The following MICU1 variants were observed in gnomAD, a reference collection of about 807,000 sequenced individuals.
MICU1 encodes calcium uptake protein 1, mitochondrial.
In MICU1, 45 loss-of-function variants were observed where a neutral mutation model predicts 56.8. The observed-to-expected ratio is 0.79, with a 90% CI of 0.62 to 1.02. The LOEUF (loss-of-function observed/expected upper bound fraction) is 1.02. MICU1 is among the 50% of genes least tolerant of loss of function. The pLI, the probability that MICU1 is intolerant of heterozygous loss-of-function variation, is 0.00. For missense variants in MICU1, 504 were observed against 587.1 expected, an observed-to-expected ratio of 0.86 and a Z score of 1.46; for synonymous variants, 186 against 195.1, an observed-to-expected ratio of 0.95 and a Z score of 0.39.
intron 8 of MICU1, among the ~76,000 whole-genome samples, chr10:72,466,709 A>C (rs1263871730): frequency 6.6e-6 from 1 of 152,194 alleles, no homozygotes; most frequent in Non-Finnish European, 1.5e-5. Context: ...TCTAGTTCCA[A>C]CAAGTGTTGG....
At chr10:72,466,213 G>C (rs534053824) in intron 8 of MICU1, among the ~76,000 whole-genome samples, 1 of 152,298 alleles carries the variant, frequency 6.6e-6, no homozygotes, top group East Asian at 1.9e-4. Context: ...TAAGGGGTGG[G>C]CAGTGCAGAC....
chr10:72,431,940 G>C (rs1470873779), intron 8 of MICU1, among the ~76,000 whole-genome samples: 1 of 152,048 alleles, frequency 6.6e-6, no homozygotes, highest in Non-Finnish European at 1.5e-5. Flanking sequence ...TTGATTACTA[G>C]GTTGACCATT....
chr10:72,449,979 C>T (rs1325289502), intron 8 of MICU1, among the ~76,000 whole-genome samples: 1 of 151,946 alleles, frequency 6.6e-6, no homozygotes, highest in Non-Finnish European at 1.5e-5. Context: ...GCCAGGCTTT[C>T]GTCCACATCT....
intron 1 of MICU1, among the ~76,000 whole-genome samples, chr10:72,612,986 GTAAT>G (rs1439543971): frequency 7.2e-5 from 11 of 151,794 alleles, no homozygotes; most frequent in African/African-American, 1.7e-4. Context: ...AAGATTAAAA[GTAAT>G]TATTTATAAA....
At chr10:72,368,728 G>A (rs962485652) in intron 11 of MICU1, among the ~76,000 whole-genome samples, 3 of 152,148 alleles carry the variant, frequency 2.0e-5, no homozygotes, top group African/African-American at 4.8e-5. Flanking sequence ...GGGCACAGAG[G>A]AAGAATCTCC....
intron 6 of MICU1, among the ~76,000 whole-genome samples, chr10:72,486,839 T>C (rs1866490523): frequency 2.6e-5 from 4 of 152,140 alleles, no homozygotes; most frequent in Non-Finnish European, 4.4e-5. Flanking sequence ...ATGCATATTA[T>C]GAAAAACCTA....
At chr10:72,594,650 G>C (rs995776321) in intron 1 of MICU1, among the ~76,000 whole-genome samples, 11 of 152,032 alleles carry the variant, frequency 7.2e-5, no homozygotes, top group African/African-American at 2.4e-4. Context: ...TGCAATCCCA[G>C]CACTTTCAGG....
chr10:72,522,755 A>G (rs955387800), intron 5 of MICU1, among the ~76,000 whole-genome samples: 1 of 152,204 alleles, frequency 6.6e-6, no homozygotes, highest in Non-Finnish European at 1.5e-5. Context: ...AGTCACTGCA[A>G]AGAAGCAAGC....
intron 8 of MICU1, among the ~76,000 whole-genome samples, chr10:72,431,288 G>T (rs988714032): frequency 1.3e-5 from 2 of 151,990 alleles, no homozygotes; most frequent in African/African-American, 4.8e-5. Context: ...GCACTACCAC[G>T]CCAGCTAATT....
At chr10:72,529,420 G>C (rs1400367747) in intron 5 of MICU1, among the ~76,000 whole-genome samples, 1 of 152,168 alleles carries the variant, frequency 6.6e-6, no homozygotes, top group African/African-American at 2.4e-5. Flanking sequence ...TTTATTGCTT[G>C]AAAATAGTGT....
At chr10:72,589,025 C>T (rs1287235809) in intron 1 of MICU1, among the ~76,000 whole-genome samples, 3 of 152,170 alleles carry the variant, frequency 2.0e-5, no homozygotes, top group Non-Finnish European at 4.4e-5. Flanking sequence ...CGGTGACTCA[C>T]GCCTGTAATC....
rs188371353 is a variant in MICU1, at chr10:72,565,783, C to T, written c.161+850G>A. Among the ~76,000 whole-genome samples, 437 of 152,198 alleles carry T rather than the reference C, an allele frequency of 2.9e-3. 3 individuals carry two copies. The highest frequency in any genetic ancestry group is 9.9e-3 in the African/African-American group (412 of 41,540). On this transcript the variant is annotated intron_variant, in intron 2 of 11. Transcript: ENST00000361114. ...AAGCTGAGATCATGCCACTACACTC[C>T]AGCCTGGGCGACAGAGCAAGACTCC...
At chr10:72,421,673 G>A (rs1864179640) in intron 9 of MICU1, among the ~76,000 whole-genome samples, 1 of 152,150 alleles carries the variant, frequency 6.6e-6, no homozygotes, top group Non-Finnish European at 1.5e-5. Context: ...CCAACCTCAA[G>A]GCTGCTCAAA....
At chr10:72,604,972 A>G (rs909554690) in intron 1 of MICU1, among the ~76,000 whole-genome samples, 2 of 152,220 alleles carry the variant, frequency 1.3e-5, no homozygotes, top group Non-Finnish European at 1.5e-5. Context: ...CCATAATGAG[A>G]ATTAAATGTA....
chr10:72,481,887 T>A (rs1866310105), intron 6 of MICU1, among the ~76,000 whole-genome samples: 1 of 152,234 alleles, frequency 6.6e-6, no homozygotes, highest in Admixed American at 6.5e-5. Flanking sequence ...ACCTTTCACT[T>A]AGATTTCCTT....
At chr10:72,582,836 C>G (rs1272609896) in intron 1 of MICU1, 3 of 151,440 alleles carry the variant, frequency 2.0e-5, no homozygotes, top group Non-Finnish European at 4.4e-5. Context: ...GTAGTCCCAG[C>G]TACTCAGGAA....
chr10:72,434,846 A>G (rs753856467), intron 8 of MICU1, among the ~76,000 whole-genome samples: 1 of 152,210 alleles, frequency 6.6e-6, no homozygotes, highest in Non-Finnish European at 1.5e-5. Flanking sequence ...CATTGCTGAC[A>G]GCTTATCAGC....
chr10:72,484,331 A>C (rs938243835), intron 6 of MICU1, among the ~76,000 whole-genome samples: 1 of 152,152 alleles, frequency 6.6e-6, no homozygotes, highest in Non-Finnish European at 1.5e-5. Context: ...AAATGCATTA[A>C]TCTAGTTCTT....
intron 5 of MICU1, chr10:72,533,225 A>G: frequency 1.1e-6 from 1 of 889,254 alleles, no homozygotes; most frequent in Non-Finnish European, 1.5e-6. Context: ...CTCATTTTCT[A>G]TACCTAAGAA....
Sources: allele counts gnomAD v4.1 joint callset (sites outside exome capture counted in the v4.1 genomes callset), GRCh38; gene constraint gnomAD v4.1.1; transcripts MANE v1.5; gene names NCBI Gene and HGNC (gene_info 2026-07-23, HGNC 2026-07-21).